TSHZ1: variants seen among roughly 807,000 people sequenced by gnomAD.
TSHZ1 encodes the protein teashirt zinc finger homeobox 1.
In TSHZ1, 12 loss-of-function variants were observed where a neutral mutation model predicts 67.1. That is an observed-to-expected ratio of 0.18 (90% CI 0.11 to 0.29). The LOEUF is 0.29. Among genes scored for constraint, TSHZ1 ranks in the 10% least tolerant of loss-of-function variants. TSHZ1 has a pLI of 1.00. For missense variants in TSHZ1, 1,305 were observed against 1,413.9 expected, an observed-to-expected ratio of 0.92 and a Z score of 1.23; for synonymous variants, 632 against 622.4, an observed-to-expected ratio of 1.02 and a Z score of -0.23.
chr18:75,249,851 G>A (rs1259461834), intron 1 of TSHZ1, among the ~76,000 whole-genome samples: 20 of 151,098 alleles, frequency 1.3e-4, no homozygotes, highest in Admixed American at 7.9e-4. Context: ...TAGGCGGGGC[G>A]GGGGTGACTT....
chr18:75,218,663 G>A (rs963149057), intron 1 of TSHZ1, among the ~76,000 whole-genome samples: 6 of 152,310 alleles, frequency 3.9e-5, no homozygotes, highest in South Asian at 2.1e-4. Flanking sequence ...GGGGGGAGCC[G>A]TTCCACCCTA....
chr18:75,266,550 A>T (rs1025818199), intron 1 of TSHZ1, among the ~76,000 whole-genome samples: 1 of 152,252 alleles, frequency 6.6e-6, no homozygotes, highest in African/African-American at 2.4e-5. Context: ...CTCAGGAAGC[A>T]CAACAGAGGA....
chr18:75,244,594 C>T (rs2023199773), intron 1 of TSHZ1: 1 of 152,228 alleles, frequency 6.6e-6, no homozygotes. Flanking sequence ...CGGCTTTCTC[C>T]AGTGCGGTTG....
intron 1 of TSHZ1, among the ~76,000 whole-genome samples, chr18:75,229,501 A>G (rs1010325222): frequency 2.0e-5 from 3 of 152,202 alleles, no homozygotes; most frequent in African/African-American, 4.8e-5. Context: ...ACTCTGCTCC[A>G]TAAGGGCAGG....
At chr18:75,246,618 G>A (rs953117126) in intron 1 of TSHZ1, among the ~76,000 whole-genome samples, 7 of 152,236 alleles carry the variant, frequency 4.6e-5, no homozygotes, top group East Asian at 1.9e-4. Context: ...ATACTAAGCC[G>A]TGGAGATCAT....
chr18:75,233,905 G>A (rs951222827), intron 1 of TSHZ1, among the ~76,000 whole-genome samples: 1 of 152,120 alleles, frequency 6.6e-6, no homozygotes, highest in Non-Finnish European at 1.5e-5. Flanking sequence ...TGGTTTGGGA[G>A]GATTAATTAA....
chr18:75,239,457 A>T (rs906230426), intron 1 of TSHZ1, among the ~76,000 whole-genome samples: 9 of 151,528 alleles, frequency 5.9e-5, no homozygotes, highest in Admixed American at 5.2e-4. Context: ...TTATGAAAAC[A>T]TCCACCCTCT....
At chr18:75,220,993 A>C (rs1481816875) in intron 1 of TSHZ1, 2 of 152,230 alleles carry the variant, frequency 1.3e-5, no homozygotes, top group African/African-American at 4.8e-5. Flanking sequence ...CTGCAGGAAA[A>C]TAGCCAAGTA....
At chr18:75,231,807 TGATG>T (rs2023002595) in intron 1 of TSHZ1, among the ~76,000 whole-genome samples, 1 of 152,128 alleles carries the variant, frequency 6.6e-6, no homozygotes, top group Non-Finnish European at 1.5e-5. Context: ...GTGCTGGGAT[TGATG>T]ATAGGTGTGT....
intron 1 of TSHZ1, among the ~76,000 whole-genome samples, chr18:75,261,516 A>G (rs1329370770): frequency 6.6e-6 from 1 of 152,226 alleles, no homozygotes; most frequent in African/African-American, 2.4e-5. Flanking sequence ...CCCTCAGCAC[A>G]GCCACAGAGC....
chr18:75,254,241 C>T (rs557395662), intron 1 of TSHZ1, among the ~76,000 whole-genome samples: 1 of 152,192 alleles, frequency 6.6e-6, no homozygotes, highest in East Asian at 1.9e-4. Context: ...CTTAGAGCCA[C>T]CCATTTCTTC....
intron 1 of TSHZ1, among the ~76,000 whole-genome samples, chr18:75,248,123 T>G (rs2122560530): frequency 6.6e-6 from 1 of 152,334 alleles, no homozygotes; most frequent in Middle Eastern, 3.4e-3. Flanking sequence ...ATATGTGAGC[T>G]TACAAAAATG....
intron 1 of TSHZ1, among the ~76,000 whole-genome samples, chr18:75,276,303 T>TA: frequency 6.6e-6 from 1 of 151,822 alleles, no homozygotes; most frequent in East Asian, 1.9e-4. Flanking sequence ...TTTTTTTTTT[T>TA]CTATCATGTC....
chr18:75,252,469 G>C (rs1184331298), intron 1 of TSHZ1, among the ~76,000 whole-genome samples: 1 of 152,028 alleles, frequency 6.6e-6, no homozygotes, highest in African/African-American at 2.4e-5. Flanking sequence ...TAGTTTAGTT[G>C]GTCCTTTCTT....
At chr18:75,273,218 A>G (rs771916996) in intron 1 of TSHZ1, among the ~76,000 whole-genome samples, 1 of 152,240 alleles carries the variant, frequency 6.6e-6, no homozygotes, top group Non-Finnish European at 1.5e-5. Flanking sequence ...GATAACAGTG[A>G]GGCAGCGTTC....
intron 1 of TSHZ1, among the ~76,000 whole-genome samples, chr18:75,259,329 C>T (rs2023401977): frequency 6.6e-6 from 1 of 152,156 alleles, no homozygotes. Context: ...TACGATTTTA[C>T]TCACCCACAG....
chr18:75,281,576 G>C lies in TSHZ1; in HGVS notation c.41-3872G>C, dbSNP rs1195846418. Among the ~76,000 whole-genome samples, 3 of 152,162 alleles carry C rather than the reference G, an allele frequency of 2.0e-5. No homozygotes were observed. The highest frequency in any genetic ancestry group is 7.2e-5 in the African/African-American group (3 of 41,440). On this transcript the variant is annotated intron_variant, in intron 1 of 1. Coordinates refer to ENST00000580243, the MANE Select transcript of TSHZ1 (RefSeq NM_001308210.2). This position sits in a 1 kb window ranked among gnomAD's most constrained non-coding sequence, Gnocchi z 5.3. ...GCCTGTGTCTGGCAGGTGTGCAGGGGTGCTCATGGCTGTGGTCGGCACAGG... is the reference window on the plus strand; with the variant it reads ...GCCTGTGTCTGGCAGGTGTGCAGGGCTGCTCATGGCTGTGGTCGGCACAGG...
chr18:75,241,448 C>T (rs2023155221), intron 1 of TSHZ1, among the ~76,000 whole-genome samples: 2 of 152,202 alleles, frequency 1.3e-5, no homozygotes, highest in East Asian at 1.9e-4. Context: ...GGTGAGTCTC[C>T]CCCTCCGCAT....
At position 75,285,680 on chromosome 18, in the gene TSHZ1, T is replaced by C. The variant is rs774989063; in HGVS notation, c.273T>C (p.Ser91=). The stretch of plus-strand genomic sequence containing the variant: ...ACCAGCTAGCCCATTTCAAAGGCTC[T>C]TCCTCTCGAGAAGAGAAGGAGGATC... The part of the protein sequence containing the change: ...SSDQLAHFKG[S]SSREEKEDPQ... The change falls in exon 2 of 2, where the codon TCT becomes TCC. Residue 91 remains serine, a synonymous_variant. Coordinates refer to ENST00000580243, the MANE Select transcript of TSHZ1 (RefSeq NM_001308210.2). The C allele has an allele frequency of 6.9e-5, 112 of 1,614,004 alleles. No homozygotes were observed. The highest frequency in any genetic ancestry group is 4.1e-5 in the Non-Finnish European group (48 of 1,180,012).
Sources: gnomAD v4.1 joint callset for allele counts (sites outside exome capture counted in the v4.1 genomes callset) on GRCh38, gnomAD v4.1.1 for gene constraint, Gnocchi (gnomAD v3.1) non-coding constraint, MANE v1.5 for transcripts, NCBI Gene and HGNC (gene_info 2026-07-23, HGNC 2026-07-21) for gene names.